Variants in GRID2 observed in about 807,000 individuals in gnomAD.
GRID2 encodes the protein glutamate ionotropic receptor delta type subunit 2, also known as glutamate receptor ionotropic, delta-2.
Under a neutral mutation model 114.8 loss-of-function variants are expected in GRID2, and 33 were observed. The observed-to-expected ratio is 0.29, with a 90% CI of 0.22 to 0.38. The LOEUF (loss-of-function observed/expected upper bound fraction) is 0.38. Among genes scored for constraint, GRID2 ranks in the 10% least tolerant of loss-of-function variants. The probability of loss-of-function intolerance (pLI) is 1.00; values close to 1 mark genes in which losing one functional copy is unlikely to be tolerated. For missense variants in GRID2, 1,184 were observed against 1,257.7 expected, an observed-to-expected ratio of 0.94 and a Z score of 0.89; for synonymous variants, 505 against 449.9, an observed-to-expected ratio of 1.12 and a Z score of -1.55.
At chr4:93,154,349 T>C (rs961249488) in intron 4 of GRID2, among the ~76,000 whole-genome samples, 1 of 151,924 alleles carries the variant, frequency 6.6e-6, no homozygotes, top group African/African-American at 2.4e-5. Flanking sequence ...TGATCATAGT[T>C]CCTTGATTCC....
intron 8 of GRID2, among the ~76,000 whole-genome samples, chr4:93,386,374 A>G (rs1377096532): frequency 6.6e-6 from 1 of 152,178 alleles, no homozygotes; most frequent in Non-Finnish European, 1.5e-5. Flanking sequence ...ATTAAATAAT[A>G]TCTAATGACT....
chr4:93,648,556 C>G (rs942234077), intron 14 of GRID2, among the ~76,000 whole-genome samples: 1 of 152,130 alleles, frequency 6.6e-6, no homozygotes, highest in Non-Finnish European at 1.5e-5. Flanking sequence ...TGCTATAGAC[C>G]GCTTCGGCTC....
intron 8 of GRID2, among the ~76,000 whole-genome samples, chr4:93,242,831 G>A (rs561294501): frequency 1.3e-5 from 2 of 152,086 alleles, no homozygotes; most frequent in African/African-American, 2.4e-5. Flanking sequence ...GTCATTTAAC[G>A]GAGTTCTGAG....
At chr4:92,913,702 G>A (rs76324869) in intron 2 of GRID2, among the ~76,000 whole-genome samples, 2,678 of 151,844 alleles carry the variant, frequency 0.018, 29 homozygotes, top group East Asian at 0.055. Flanking sequence ...ATTTTTATTG[G>A]ATAATGAATA....
At chr4:93,464,641 T>C (rs1318926671) in intron 11 of GRID2, among the ~76,000 whole-genome samples, 1 of 152,198 alleles carries the variant, frequency 6.6e-6, no homozygotes, top group Non-Finnish European at 1.5e-5. Flanking sequence ...ATGTATCTCA[T>C]TATATATATC....
chr4:93,130,805 A>G (rs918262639), intron 4 of GRID2, among the ~76,000 whole-genome samples: 14 of 152,176 alleles, frequency 9.2e-5, no homozygotes, highest in Non-Finnish European at 2.9e-5. Context: ...TAAATTTTTG[A>G]GGTGAAATTT....
At chr4:93,285,332 T>G (rs1229226013) in intron 8 of GRID2, among the ~76,000 whole-genome samples, 3 of 152,076 alleles carry the variant, frequency 2.0e-5, no homozygotes, top group Non-Finnish European at 4.4e-5. Flanking sequence ...TTTTGCAAAC[T>G]ATGTATAGGT....
intron 1 of GRID2, among the ~76,000 whole-genome samples, chr4:92,380,645 G>A (rs185554403): frequency 5.4e-4 from 82 of 151,950 alleles, no homozygotes; most frequent in African/African-American, 1.9e-3. Context: ...TTAGTTCTTC[G>A]TTGAAATCCT....
At position 92,613,434 on chromosome 4, in the gene GRID2, A is replaced by C. The variant is rs76981057; in HGVS notation, c.244+23148A>C. Among the ~76,000 whole-genome samples, 3 of 151,616 alleles carry C rather than the reference A, an allele frequency of 2.0e-5. No individual in the cohort carries two copies. In the East Asian group the frequency reaches 5.8e-4, roughly 29 times the overall value. ...TTGGTATTTTAATAATGACTTCAAA[A>C]TAACTTGGGAAGTCTGCCTTTCCCT... is the stretch of plus-strand genomic sequence containing the variant. On this transcript the variant is annotated intron_variant, in intron 2 of 15. Transcript: ENST00000282020.
intron 2 of GRID2, among the ~76,000 whole-genome samples, chr4:92,682,206 G>A (rs1203458387): frequency 6.6e-6 from 1 of 152,012 alleles, no homozygotes; most frequent in Non-Finnish European, 1.5e-5. Flanking sequence ...ACTGGAATTT[G>A]AGATGGAACT....
At chr4:93,591,971 T>C (rs970606411) in intron 13 of GRID2, among the ~76,000 whole-genome samples, 9 of 152,236 alleles carry the variant, frequency 5.9e-5, no homozygotes, top group African/African-American at 1.4e-4. Context: ...GTCTTGCTAG[T>C]GCTCTATCAA....
chr4:92,327,656 T>C (rs1726668584), intron 1 of GRID2, among the ~76,000 whole-genome samples: 1 of 152,016 alleles, frequency 6.6e-6, no homozygotes, highest in African/African-American at 2.4e-5. Context: ...TTAAATTTAA[T>C]TATTTCACAG....
At chr4:92,981,253 G>T (rs1754191095) in intron 2 of GRID2, among the ~76,000 whole-genome samples, 1 of 151,884 alleles carries the variant, frequency 6.6e-6, no homozygotes. Context: ...AGTCCCAATA[G>T]AATAATAATT....
chr4:93,494,113 A>G lies in GRID2; in HGVS notation c.1997+3336A>G, dbSNP rs112380478. 3.9e-3 allele frequency among the ~76,000 whole-genome samples: 587 copies of G among 152,030 alleles called. 3 individuals carry two copies. The highest frequency in any genetic ancestry group is 6.8e-3 in the Middle Eastern group (2 of 294). On this transcript the variant is annotated intron_variant, in intron 12 of 15. Transcript: ENST00000282020. ...GTAACTAATGCCAAAGTTTCTTGGG[A>G]AAATTCTAATTTTTCTTAGAAAAGA...
intron 8 of GRID2, among the ~76,000 whole-genome samples, chr4:93,337,487 G>C (rs1759204909): frequency 6.6e-6 from 1 of 152,144 alleles, no homozygotes; most frequent in South Asian, 2.1e-4. Context: ...CCCAGCCTTA[G>C]ACAACCCCAA....
At chr4:93,594,511 G>T (rs554250397) in intron 13 of GRID2, among the ~76,000 whole-genome samples, 1,618 of 152,188 alleles carry the variant, frequency 0.011, 12 homozygotes, top group Non-Finnish European at 0.017. Flanking sequence ...CTTTTTGTTT[G>T]TCTGTGCCCT....
chr4:92,317,682 G>C (rs1726068108), intron 1 of GRID2, among the ~76,000 whole-genome samples: 1 of 152,160 alleles, frequency 6.6e-6, no homozygotes, highest in Non-Finnish European at 1.5e-5. Flanking sequence ...GGCTTGCTGA[G>C]AAGAAATAGT....
intron 4 of GRID2, among the ~76,000 whole-genome samples, chr4:93,194,207 A>G (rs1741262072): frequency 6.6e-6 from 1 of 152,214 alleles, no homozygotes; most frequent in African/African-American, 2.4e-5. Context: ...TGAAAAAAGA[A>G]AAACAAAACA....
intron 14 of GRID2, among the ~76,000 whole-genome samples, chr4:93,690,885 T>C (rs901442931): frequency 1.3e-5 from 2 of 148,252 alleles, no homozygotes; most frequent in Non-Finnish European, 3.0e-5. Flanking sequence ...TTTTATGTAA[T>C]ATTATAACAC....
Sources: gnomAD v4.1 joint callset for allele counts (sites outside exome capture counted in the v4.1 genomes callset) on GRCh38, gnomAD v4.1.1 for gene constraint, MANE v1.5 for transcripts, NCBI Gene and HGNC (gene_info 2026-07-23, HGNC 2026-07-21) for gene names.